The following ABCA9 variants were observed in gnomAD, a reference collection of about 807,000 sequenced individuals.
ABCA9 encodes the protein ATP-binding cassette sub-family A member 9.
Under a neutral mutation model 205.3 loss-of-function variants are expected in ABCA9, and 183 were observed. That is an observed-to-expected ratio of 0.89 (90% CI 0.79 to 1.01). The LOEUF (loss-of-function observed/expected upper bound fraction) is 1.01. Ranked by LOEUF, ABCA9 falls within the 50% of genes least tolerant of loss-of-function variation. The pLI is 0.00. For synonymous variants in ABCA9, 651 were observed against 683.3 expected (o/e 0.95, Z 0.74); for missense variants, 1,805 against 1,912.4 (o/e 0.94, Z 1.05).
At chr17:68,989,216 G>A (rs1598337406) in intron 30 of ABCA9, 98 bp from the exon 31 acceptor site, 1 of 658,326 alleles carries the variant, frequency 1.5e-6, no homozygotes, top group Non-Finnish European at 2.8e-6. Context: ...TATGTGAAAT[G>A]TGCTATATAT....
the ABCA9 span, among the ~76,000 whole-genome samples, chr17:69,070,397 T>C: frequency 1.3e-5 from 2 of 152,082 alleles, no homozygotes; most frequent in African/African-American, 4.8e-5. Flanking sequence ...GGTACCCAGT[T>C]CATCTCACTG....
rs1441880612 is a variant in ABCA9, at chr17:69,035,758, C to T, written c.844G>A (p.Ala282Thr). The change falls in exon 7 of 39, where the codon GCC (alanine) becomes ACC (threonine). Residue 282 changes from alanine (A) to threonine (T), a missense_variant. Physicochemically the swap from Ala to Thr is moderately conservative, Grantham distance 58. Coordinates refer to ENST00000340001, the MANE Select transcript of ABCA9 (RefSeq NM_080283.4). ...TTTACAATAAGAGCCATTAAAGTGG[C>T]CATGATAAGGATGAAGCCAGCATAC... Reference protein sequence around the residue: ...LMYAGFILIMATLMALIVKSA... With the variant: ...LMYAGFILIMTTLMALIVKSA... The T allele has an allele frequency of 1.4e-5, 22 of 1,613,550 alleles. No individual in the cohort carries two copies. Among genetic ancestry groups the T allele is most frequent in the Non-Finnish European group, 1.9e-5 (22 of 1,179,734 alleles).
At chr17:69,055,725 G>A (rs1790847948) in intron 1 of ABCA9, among the ~76,000 whole-genome samples, 1 of 152,052 alleles carries the variant, frequency 6.6e-6, no homozygotes, top group Non-Finnish European at 1.5e-5. Flanking sequence ...TCCTTCTCAT[G>A]CTCACATGGA....
chr17:69,073,417 C>A, the ABCA9 span, among the ~76,000 whole-genome samples: 1 of 152,174 alleles, frequency 6.6e-6, no homozygotes, highest in Admixed American at 6.5e-5. Context: ...GAAGACAGTG[C>A]AATCAAATTA....
chr17:69,035,855 G>T, intron 6 of ABCA9, 54 bp from the exon 7 acceptor site: 1 of 1,552,944 alleles, frequency 6.4e-7, no homozygotes, highest in Non-Finnish European at 8.7e-7. Flanking sequence ...TCACTTCCTT[G>T]ATTCATTTAT....
Position 69,045,340 on chromosome 17 carries a change from C to A in ABCA9, c.305-4G>T. The A allele has an allele frequency of 1.2e-6, 2 of 1,602,008 alleles. No individual in the cohort carries two copies. Among genetic ancestry groups the A allele is most frequent in the Non-Finnish European group, 1.7e-6 (2 of 1,173,718 alleles). On this transcript the variant is annotated splice_polypyrimidine_tract_variant and splice_region_variant and intron_variant, in intron 3 of 38. Coordinates refer to ENST00000340001, the MANE Select transcript of ABCA9 (RefSeq NM_080283.4). ...GGCCACCCCATGATTGTTCTTCCTGCCATGTGAAGAAAACAAAAGAAATAG... is the reference window on the plus strand; with the variant it reads ...GGCCACCCCATGATTGTTCTTCCTGACATGTGAAGAAAACAAAAGAAATAG...
At chr17:69,050,906 AT>A (rs35873471) in intron 2 of ABCA9, 124 bp downstream of exon 2, 225,894 of 756,528 alleles carry the variant, frequency 0.3, 36,747 homozygotes, top group East Asian at 0.6. Flanking sequence ...TTGAAAAAAA[AT>A]CTAGCTTGTT....
At chr17:69,029,513 T>A (rs2071094378) in intron 10 of ABCA9, among the ~76,000 whole-genome samples, 1 of 152,044 alleles carries the variant, frequency 6.6e-6, no homozygotes. Flanking sequence ...TTGTGGCAAA[T>A]GACTGGATAT....
At chr17:69,010,175 T>A (rs1385107709) in intron 23 of ABCA9, among the ~76,000 whole-genome samples, 8 of 143,256 alleles carry the variant, frequency 5.6e-5, no homozygotes, top group Admixed American at 7.0e-5. Context: ...GACAGTTAAT[T>A]AAAAAAAAAA....
chr17:69,005,426 C>T (rs1002829432), intron 25 of ABCA9, among the ~76,000 whole-genome samples: 10 of 152,146 alleles, frequency 6.6e-5, no homozygotes, highest in Admixed American at 3.9e-4. Flanking sequence ...CTCAGCATCC[C>T]ACCTCTCCAG....
At position 69,028,649 on chromosome 17, in the gene ABCA9, G is replaced by A; in HGVS notation, c.1505-4C>T. ...TCATATATGTCAAACACCACACCTG[G>A]CATGATTTTAAAAAAAATTACACTC... On this transcript the variant is annotated splice_polypyrimidine_tract_variant and splice_region_variant and intron_variant, in intron 11 of 38. Transcript: ENST00000340001. 1.3e-6 allele frequency: 2 copies of A among 1,538,978 alleles called. No homozygotes were observed. The highest frequency in any genetic ancestry group is 2.3e-5 in the East Asian group (1 of 42,926).
rs1276725895 is a variant in ABCA9 at position 68,978,630 on chromosome 17, G to A, written c.4721-2440C>T. ...CCGGTTGTTCCTTTCCATGTTTAGT[G>A]CTTCCTTCAGGAGCTCTTTTAGGGC... On this transcript the variant is annotated intron_variant, in intron 37 of 38. Coordinates refer to ENST00000340001, the MANE Select transcript of ABCA9 (RefSeq NM_080283.4). 3.3e-5 allele frequency among the ~76,000 whole-genome samples: 5 copies of A among 152,088 alleles called. No individual in the cohort carries two copies. The East Asian group carries it at 5.8e-4, about 18-fold the overall frequency.
chr17:69,044,671 A>G, intron 4 of ABCA9, 71 bp from the exon 5 acceptor site: 1 of 1,345,442 alleles, frequency 7.4e-7, no homozygotes, highest in Non-Finnish European at 1.0e-6. Context: ...CAAAATTTCA[A>G]ATGTTTCAAA....
intron 26 of ABCA9, among the ~76,000 whole-genome samples, chr17:68,993,393 T>C (rs975673504): frequency 3.3e-5 from 5 of 152,158 alleles, no homozygotes; most frequent in African/African-American, 1.2e-4. Flanking sequence ...AGACAAACCC[T>C]CTCCCCTAAC....
chr17:68,978,211 C>A (rs886275493), intron 37 of ABCA9, among the ~76,000 whole-genome samples: 3 of 152,140 alleles, frequency 2.0e-5, no homozygotes, highest in African/African-American at 7.2e-5. Flanking sequence ...GATCCCTTTA[C>A]CATTATGTAA....
upstream of ABCA9, among the ~76,000 whole-genome samples, chr17:69,062,321 A>G (rs751912345): frequency 2.8e-4 from 42 of 152,000 alleles, no homozygotes; most frequent in Non-Finnish European, 5.7e-4. Context: ...TTCCTAGAAG[A>G]ACTTTGTACC....
chr17:69,048,054 C>A (rs1389356608), intron 3 of ABCA9, among the ~76,000 whole-genome samples: 2 of 152,116 alleles, frequency 1.3e-5, no homozygotes, highest in Admixed American at 6.6e-5. Context: ...AGACAGGAAG[C>A]AAAGGGGGGA....
rs1195056128 is a variant in ABCA9 at position 69,032,165 on chromosome 17, G to A, written c.1388C>T (p.Thr463Ile). The change falls in exon 10 of 39, where the codon ACA becomes ATA. Residue 463 changes from threonine (T) to isoleucine (I), a missense_variant. Coordinates refer to ENST00000340001, the MANE Select transcript of ABCA9 (RefSeq NM_080283.4). ...CACTGGTTCAAAACAGTCATTAGGT[G>A]TAGGATCAGAATCTGTTTCATTCTC... The part of the protein sequence containing the change: ...VLENETDSDP[T>I]PNDCFEPVSP... 5.6e-6 allele frequency: 9 copies of A among 1,613,880 alleles called. No individual in the cohort carries two copies. The highest frequency in any genetic ancestry group is 3.3e-5 in the Admixed American group (2 of 59,982).
chr17:69,056,729 T>C (rs914193574), intron 1 of ABCA9, among the ~76,000 whole-genome samples: 4 of 152,222 alleles, frequency 2.6e-5, no homozygotes, highest in Non-Finnish European at 4.4e-5. Flanking sequence ...AAAAGCCTAC[T>C]TCATAAGGTG....
Sources: allele counts gnomAD v4.1 joint callset (sites outside exome capture counted in the v4.1 genomes callset), GRCh38; gene constraint gnomAD v4.1.1; transcripts MANE v1.5; gene names NCBI Gene and HGNC (gene_info 2026-07-23, HGNC 2026-07-21).